Variants in DENND2B observed in about 807,000 individuals in gnomAD.
DENND2B encodes DENN domain-containing protein 2B.
A neutral mutation model predicts 116.0 loss-of-function variants in DENND2B; 32 were observed. That is an observed-to-expected ratio of 0.28 (90% CI 0.21 to 0.37). The LOEUF (loss-of-function observed/expected upper bound fraction) is 0.37, where lower values mean the gene tolerates loss of function less well. Among genes scored for constraint, DENND2B ranks in the 10% least tolerant of loss-of-function variants. DENND2B has a pLI of 1.00. For synonymous variants in DENND2B, 588 were observed against 583.9 expected (o/e 1.01, Z -0.10); for missense variants, 1,276 against 1,477.7 (o/e 0.86, Z 2.24).
At chr11:8,793,401 C>T (rs2059553628) in intron 1 of DENND2B, among the ~76,000 whole-genome samples, 5 of 152,154 alleles carry the variant, frequency 3.3e-5, no homozygotes, top group Admixed American at 3.3e-4. Flanking sequence ...TATGAATTTG[C>T]CTTTTCTAGA....
intron 4 of DENND2B, among the ~76,000 whole-genome samples, chr11:8,724,027 GGCTCAC>G (rs2046644775): frequency 6.6e-6 from 1 of 152,252 alleles, no homozygotes; most frequent in South Asian, 2.1e-4. Flanking sequence ...CCAGGCTTCT[GGCTCAC>G]GCCTATAATC....
chr11:8,766,614 G>A (rs750998932), intron 1 of DENND2B: 2 of 1,288,930 alleles, frequency 1.6e-6, no homozygotes, highest in South Asian at 2.5e-5. Flanking sequence ...AGGCTTTCTG[G>A]GTGAAGATCT....
At chr11:8,894,204 G>A (rs201667308) in intron 1 of DENND2B, among the ~76,000 whole-genome samples, 43,803 of 152,000 alleles carry the variant, frequency 0.29, 7,169 homozygotes, top group South Asian at 0.45. Context: ...TATGTAGAAA[G>A]CTGAAACTGG....
chr11:8,718,433 A>AT (rs2045498422), intron 4 of DENND2B: 4 of 1,523,624 alleles, frequency 2.6e-6, no homozygotes, highest in Non-Finnish European at 2.6e-6. Flanking sequence ...CTCACCTACG[A>AT]TGCCGTTCAA....
At chr11:8,808,653 T>C (rs1366751931) in intron 1 of DENND2B, 1 of 152,200 alleles carries the variant, frequency 6.6e-6, no homozygotes, top group Non-Finnish European at 1.5e-5. Context: ...CAGAGAGAGT[T>C]GGGTCATTCC....
At chr11:8,787,060 C>T (rs546515421) in intron 1 of DENND2B, 1 of 152,050 alleles carries the variant, frequency 6.6e-6, no homozygotes, top group African/African-American at 2.4e-5. Context: ...ACAGGAAAAC[C>T]AAGGCCCAAG....
intron 3 of DENND2B, among the ~76,000 whole-genome samples, chr11:8,843,822 C>A (rs577742209): frequency 3.3e-5 from 5 of 152,194 alleles, no homozygotes; most frequent in Non-Finnish European, 7.3e-5. Context: ...TGGCTTCCCT[C>A]CTCTGTTTGC....
At chr11:8,895,344 T>C (rs948102077) in intron 1 of DENND2B, among the ~76,000 whole-genome samples, 1 of 152,136 alleles carries the variant, frequency 6.6e-6, no homozygotes, top group Non-Finnish European at 1.5e-5. Context: ...CATGTATACA[T>C]ATGTAACAAA....
intron 16 of DENND2B, 106 bp downstream of exon 16, chr11:8,698,827 T>C (rs2040934244): frequency 7.3e-7 from 1 of 1,376,504 alleles, no homozygotes; most frequent in South Asian, 1.2e-5. Flanking sequence ...TGAGTAGTAC[T>C]GAACCCAGAG....
intron 1 of DENND2B, among the ~76,000 whole-genome samples, chr11:8,799,343 C>T (rs529941964): frequency 8.5e-5 from 13 of 152,254 alleles, no homozygotes; most frequent in African/African-American, 3.1e-4. Context: ...TATGTTTCAA[C>T]CCAAAGGGAT....
At chr11:8,750,117 G>A (rs889738490) in intron 2 of DENND2B, among the ~76,000 whole-genome samples, 28 of 152,112 alleles carry the variant, frequency 1.8e-4, no homozygotes, top group African/African-American at 6.8e-4. Context: ...ACAGGGAAAC[G>A]TTCTGAGAGC....
intron 2 of DENND2B, among the ~76,000 whole-genome samples, chr11:8,863,346 T>TCCCAGGTTCACACCGTTCTCCTGC (rs543669262): frequency 1.2e-5 from 1 of 81,270 alleles, no homozygotes; most frequent in African/African-American, 4.5e-5. Flanking sequence ...AAGCTCCACC[T>TCCCAGGTTCACACCGTTCTCCTGC]CTCAGCCTCC....
chr11:8,716,640 GA>G (rs2044858497), intron 5 of DENND2B, among the ~76,000 whole-genome samples: 1 of 146,116 alleles, frequency 6.8e-6, no homozygotes, highest in Non-Finnish European at 1.5e-5. Flanking sequence ...GTCCTAATTA[GA>G]GGGTAAATCT....
At position 8,730,303 on chromosome 11, in the gene DENND2B, G is replaced by A; in HGVS notation, c.987C>T (p.Gly329=). 1.9e-6 allele frequency: 3 copies of A among 1,603,190 alleles called. No homozygotes were observed. The highest frequency in any genetic ancestry group is 1.1e-5 in the South Asian group (1 of 90,388). The change falls in exon 3 of 20, where the codon GGC becomes GGT. Residue 329 remains glycine (G), a synonymous_variant. Coordinates refer to ENST00000313726, the MANE Select transcript of DENND2B (RefSeq NM_213618.2). The surrounding 1 kb of genome is among the most constrained non-coding windows in gnomAD (Gnocchi z 4.1). The part of the protein sequence containing the change: ...TLGSLEEPAG[G]ASVSAGSRAV... ...CCCGGCTGCCAGCGCTCACACTCGCGCCCCCTGCCGGCTCCTCCAAGGAGC... is the reference window on the plus strand; with the variant it reads ...CCCGGCTGCCAGCGCTCACACTCGCACCCCCTGCCGGCTCCTCCAAGGAGC...
rs1369254932 is a variant in DENND2B, at chr11:8,693,968, T to G, written c.*128A>C. ...TCCTGGGATATGATGAAGGCAGAGG[T>G]GGGCTGGCTTGGAGGATAGGATCTG... On this transcript the variant is annotated 3_prime_UTR_variant, in exon 20 of 20. Coordinates refer to ENST00000313726, the MANE Select transcript of DENND2B (RefSeq NM_213618.2). The G allele has an allele frequency of 2.3e-6, 2 of 888,502 alleles. No homozygotes were observed. The highest frequency in any genetic ancestry group is 2.5e-5 in the East Asian group (1 of 40,464). The allele number at this position is 888,502 out of a possible 1,614,324, so 55.0% of individuals were successfully genotyped here. A position where few individuals can be genotyped will look rare whatever the true frequency, so the allele number is the denominator to read the frequency against.
chr11:8,715,023 A>G (rs946032212), intron 6 of DENND2B, among the ~76,000 whole-genome samples: 1 of 152,184 alleles, frequency 6.6e-6, no homozygotes, highest in South Asian at 2.1e-4. Context: ...GAGTCATTGA[A>G]CCAACTGAGA....
chr11:8,812,954 T>C (rs1027933172), upstream of DENND2B, among the ~76,000 whole-genome samples: 2 of 152,190 alleles, frequency 1.3e-5, no homozygotes, highest in African/African-American at 4.8e-5. Flanking sequence ...ATGTTATTTA[T>C]TTATTTATTT....
intron 2 of DENND2B, among the ~76,000 whole-genome samples, chr11:8,738,647 T>C (rs1190181739): frequency 2.0e-5 from 3 of 152,240 alleles, no homozygotes; most frequent in Non-Finnish European, 4.4e-5. Context: ...AACTCCTCTT[T>C]CTGCCTTCAG....
chr11:8,771,651 C>T (rs1475352376), intron 1 of DENND2B: 1 of 150,040 alleles, frequency 6.7e-6, no homozygotes, highest in Non-Finnish European at 1.5e-5. Context: ...CTTTGTGATT[C>T]ATAACAAGTC....
Sources: allele counts gnomAD v4.1 joint callset (sites outside exome capture counted in the v4.1 genomes callset), GRCh38; gene constraint gnomAD v4.1.1; non-coding constraint Gnocchi (gnomAD v3.1); transcripts MANE v1.5; gene names NCBI Gene and HGNC (gene_info 2026-07-23, HGNC 2026-07-21).